The following ODAD2 variants were observed in gnomAD, a reference collection of about 807,000 sequenced individuals.
ODAD2 encodes outer dynein arm-docking complex subunit 2.
Under a neutral mutation model 106.8 loss-of-function variants are expected in ODAD2, and 89 were observed. The ratio of observed to expected loss-of-function variants is 0.83; its 90% CI spans 0.70 to 0.99. The LOEUF is 0.99. Ranked by LOEUF, ODAD2 falls within the 50% of genes least tolerant of loss-of-function variation. The pLI is 0.00. For missense variants in ODAD2, 1,168 were observed against 1,238.5 expected (o/e 0.94, Z 0.85); for synonymous variants, 404 against 436.2 (o/e 0.93, Z 0.92).
chr10:27,827,387 A>AC (rs1161848127), intron 19 of ODAD2, among the ~76,000 whole-genome samples: 123 of 30,262 alleles, frequency 4.1e-3, no homozygotes, highest in Non-Finnish European at 9.1e-3. Flanking sequence ...CACTATATAT[A>AC]TATATATATA....
intron 16 of ODAD2, among the ~76,000 whole-genome samples, chr10:27,933,978 T>C (rs912615021): frequency 6.6e-6 from 1 of 152,178 alleles, no homozygotes; most frequent in African/African-American, 2.4e-5. Context: ...CCACGTGTTG[T>C]GGGAGAGACC....
At chr10:27,829,816 T>C (rs1837339188) in intron 19 of ODAD2, among the ~76,000 whole-genome samples, 1 of 152,196 alleles carries the variant, frequency 6.6e-6, no homozygotes, top group African/African-American at 2.4e-5. Context: ...AGAATAATAC[T>C]TCTTCCTCTC....
At chr10:27,896,407 C>A (rs1317749252) in intron 17 of ODAD2, among the ~76,000 whole-genome samples, 1 of 152,108 alleles carries the variant, frequency 6.6e-6, no homozygotes, top group Non-Finnish European at 1.5e-5. Context: ...TCAAAGATAT[C>A]AATGGGTAGG....
chr10:27,874,911 G>C (rs1342869860), intron 17 of ODAD2, among the ~76,000 whole-genome samples: 1 of 152,110 alleles, frequency 6.6e-6, no homozygotes, highest in African/African-American at 2.4e-5. Context: ...TGCCTTGCTA[G>C]GTTGGGGAAG....
Position 27,985,111 on chromosome 10 carries a change from A to G in ODAD2, c.483T>C (p.Asp161=), listed in dbSNP as rs989664168. 1 of 1,603,856 alleles carries G rather than the reference A, an allele frequency of 6.2e-7. No individual in the cohort carries two copies. Among genetic ancestry groups the G allele is most frequent in the African/African-American group, 1.3e-5 (1 of 74,816 alleles). Residue 161 remains aspartate (D), a synonymous_variant, in exon 4 of 20, where the codon GAT becomes GAC. Transcript: ENST00000305242. ...TCATCTTAATTTCACTTTCAGGATC[A>G]TCATCTCTGGTAATTTTGCCAAGAA... is the stretch of plus-strand genomic sequence containing the variant. ...LNILGKITRD[D]DPESEIKMKI...
At chr10:27,942,713 C>T (rs867082918) in intron 12 of ODAD2, among the ~76,000 whole-genome samples, 7 of 152,020 alleles carry the variant, frequency 4.6e-5, no homozygotes, top group Non-Finnish European at 7.4e-5. Context: ...TGAAAATTTT[C>T]GAACAGAAAA....
In ODAD2 at chr10:27,960,978, G is replaced by A. The variant is rs368894500; in HGVS notation, c.1386+590C>T. 2.9e-3 allele frequency among the ~76,000 whole-genome samples: 447 copies of A among 152,162 alleles called. 6 individuals carry two copies. The East Asian group carries it at 0.029, about 10-fold the overall frequency. ...CCTGCAAATTCAAATACTTAAATAC[G>A]TTACATGGGCCAATTATTATGTAAA... On this transcript the variant is annotated intron_variant, in intron 10 of 19. Transcript: ENST00000305242.
chr10:27,922,153 C>CAAA (rs34021438), intron 16 of ODAD2, among the ~76,000 whole-genome samples: 14 of 107,594 alleles, frequency 1.3e-4, no homozygotes, highest in African/African-American at 4.2e-4. Context: ...AACTCTGCCT[C>CAAA]AAAAAAAAAA....
At chr10:27,872,046 C>T (rs1381822791) in intron 17 of ODAD2, among the ~76,000 whole-genome samples, 2 of 152,124 alleles carry the variant, frequency 1.3e-5, no homozygotes, top group Non-Finnish European at 2.9e-5. Context: ...CAGTGGTTTG[C>T]AGTTCTCCTT....
At chr10:27,903,934 T>A (rs1338666601) in intron 17 of ODAD2, among the ~76,000 whole-genome samples, 1 of 152,158 alleles carries the variant, frequency 6.6e-6, no homozygotes, top group East Asian at 1.9e-4. Context: ...CTGTATCTCC[T>A]CTTCCTCCCC....
intron 16 of ODAD2, among the ~76,000 whole-genome samples, chr10:27,928,013 T>G (rs778438129): frequency 6.6e-6 from 1 of 152,130 alleles, no homozygotes; most frequent in Non-Finnish European, 1.5e-5. Flanking sequence ...CATCACCACT[T>G]GGGTGTCCCA....
chr10:27,820,072 T>C (rs1241372144), intron 19 of ODAD2, among the ~76,000 whole-genome samples: 1 of 152,136 alleles, frequency 6.6e-6, no homozygotes, highest in Non-Finnish European at 1.5e-5. Flanking sequence ...TGTTATTTCC[T>C]GGAGGCCTGG....
intron 10 of ODAD2, among the ~76,000 whole-genome samples, chr10:27,948,391 A>C (rs1233681044): frequency 6.6e-6 from 1 of 152,218 alleles, no homozygotes; most frequent in Non-Finnish European, 1.5e-5. Flanking sequence ...CAAAATATTC[A>C]ACATACAGAG....
intron 7 of ODAD2, among the ~76,000 whole-genome samples, chr10:27,977,985 A>T (rs781009850): frequency 2.0e-5 from 3 of 152,256 alleles, no homozygotes; most frequent in Non-Finnish European, 4.4e-5. Flanking sequence ...TTAAACATAC[A>T]ACTACCATAT....
chr10:27,880,722 C>T (rs1363672783), intron 17 of ODAD2, among the ~76,000 whole-genome samples: 2 of 152,184 alleles, frequency 1.3e-5, no homozygotes, highest in Non-Finnish European at 2.9e-5. Flanking sequence ...GAGAGCAGCC[C>T]TCACCAGACA....
intron 17 of ODAD2, among the ~76,000 whole-genome samples, chr10:27,868,458 A>G (rs537117673): frequency 1.3e-5 from 2 of 152,358 alleles, no homozygotes; most frequent in Non-Finnish European, 2.9e-5. Context: ...CACTGGATAA[A>G]GAAAATATGG....
chr10:27,993,076 G>A (rs1333336912), intron 2 of ODAD2, among the ~76,000 whole-genome samples: 4 of 151,830 alleles, frequency 2.6e-5, no homozygotes, highest in Non-Finnish European at 5.9e-5. Flanking sequence ...CACCATGCCC[G>A]GCTAATTTCT....
chr10:27,982,412 T>G (rs1237399053), intron 6 of ODAD2, among the ~76,000 whole-genome samples: 1 of 152,164 alleles, frequency 6.6e-6, no homozygotes, highest in Non-Finnish European at 1.5e-5. Flanking sequence ...TAACCTTTGA[T>G]AGAAATAAAG....
intron 17 of ODAD2, among the ~76,000 whole-genome samples, chr10:27,888,219 T>A (rs1299043334): frequency 1.3e-5 from 2 of 152,108 alleles, no homozygotes. Flanking sequence ...CTATTTTTAG[T>A]TCTTTGAGAA....
Sources: allele counts gnomAD v4.1 joint callset (sites outside exome capture counted in the v4.1 genomes callset), GRCh38; gene constraint gnomAD v4.1.1; transcripts MANE v1.5; gene names NCBI Gene and HGNC (gene_info 2026-07-23, HGNC 2026-07-21).